The following INTS11 variants were observed in gnomAD, a reference collection of about 807,000 sequenced individuals.
INTS11 encodes CPSF3-like protein.
INTS11 carries 77 observed loss-of-function variants against 78.6 expected under a neutral mutation model. The observed-to-expected ratio is 0.98, with a 90% CI of 0.81 to 1.18. INTS11 has a LOEUF of 1.18. Among genes scored for constraint, INTS11 ranks in the 50% most tolerant of loss-of-function variants. INTS11 has a pLI of 0.00. For synonymous variants in INTS11, 441 were observed against 326.9 expected, an observed-to-expected ratio of 1.35 and a Z score of -3.77; for missense variants, 875 against 825.9, an observed-to-expected ratio of 1.06 and a Z score of -0.73.
At chr1:1,316,379 A>C (rs1277292413) in intron 4 of INTS11, 1 of 152,386 alleles carries the variant, frequency 6.6e-6, no homozygotes, top group South Asian at 2.1e-4. Context: ...ATCTGAAGTC[A>C]GGAGTTCAAG....
At chr1:1,321,960 G>A in intron 1 of INTS11, 1 of 1,298,394 alleles carries the variant, frequency 7.7e-7, no homozygotes, top group South Asian at 1.7e-5. Flanking sequence ...ACATCAGGAT[G>A]ACGGGGCCAC....
intron 1 of INTS11, 77 bp downstream of exon 1, chr1:1,324,504 G>A: frequency 4.2e-6 from 6 of 1,441,468 alleles, no homozygotes; most frequent in South Asian, 3.6e-5. Context: ...CGAGAAACGG[G>A]AGGGAGCGGG....
chr1:1,320,214 G>A (rs1035370802), intron 3 of INTS11: 4 of 523,976 alleles, frequency 7.6e-6, no homozygotes, highest in East Asian at 6.6e-5. Context: ...ATCAGAGAGG[G>A]TGAAGCCTGG....
At position 1,314,976 on chromosome 1, in the gene INTS11, G is replaced by C; in HGVS notation, c.564-14C>G. ...ATCCAGGCAGCTCTGGAACACGGGG[G>C]TGGGGGTGTGAGCCACGATGCACTG... On this transcript the variant is annotated splice_polypyrimidine_tract_variant and intron_variant, in intron 6 of 16. Coordinates refer to ENST00000435064, the MANE Select transcript of INTS11 (RefSeq NM_017871.6). This position sits in a 1 kb window ranked among gnomAD's most constrained non-coding sequence, Gnocchi z 4.2. 1.2e-6 allele frequency: 2 copies of C among 1,610,976 alleles called. No individual in the cohort carries two copies. Among genetic ancestry groups the C allele is most frequent in the South Asian group, 1.1e-5 (1 of 91,064 alleles).
Position 1,312,850 on chromosome 1 carries a change from G to A in INTS11, c.1231C>T (p.Leu411=), listed in dbSNP as rs1015679943. 3 of 1,612,118 alleles carry A rather than the reference G, an allele frequency of 1.9e-6. No homozygotes were observed. Among genetic ancestry groups the A allele is most frequent in the African/African-American group, 1.3e-5 (1 of 75,068 alleles). The change falls in exon 12 of 17, where the codon CTG becomes TTG. Residue 411 remains leucine, a synonymous_variant. Coordinates refer to ENST00000435064, the MANE Select transcript of INTS11 (RefSeq NM_017871.6). ...LVGQAEPESV[L]LVHGEAKKME... is the part of the protein sequence containing the mutation. ...TTCTTGGCCTCGCCATGCACCAGCA[G>A]CACGCTCTCCGGCTCTGCCTGGCCC...
chr1:1,315,554 T>C lies in INTS11; in HGVS notation c.494A>G (p.Gln165Arg). 6.2e-7 allele frequency: 1 copy of C among 1,612,558 alleles called. No individual in the cohort carries two copies. The highest frequency in any genetic ancestry group is 1.3e-5 in the African/African-American group (1 of 74,586). Residue 165 changes from glutamine (Q) to arginine (R), a missense_variant, in exon 5 of 17, where the codon CAG (glutamine) becomes CGG (arginine). By Grantham distance (43) the Gln-to-Arg change is conservative (BLOSUM62 1). Coordinates refer to ENST00000435064, the MANE Select transcript of INTS11 (RefSeq NM_017871.6). ...CACAGACTCTGAGCCCACTTTAATC[T>C]GGAACATGGCTGCCCCCAGCACGTG... ...AGHVLGAAMF[Q>R]IKVGSESVVY...
In INTS11 at chr1:1,324,649, G is replaced by A. The variant is rs538934981; in HGVS notation, c.-41C>T. 1.9e-6 allele frequency: 3 copies of A among 1,594,342 alleles called. No homozygotes were observed. Among genetic ancestry groups the A allele is most frequent in the South Asian group, 1.1e-5 (1 of 88,976 alleles). On this transcript the variant is annotated 5_prime_UTR_variant, in exon 1 of 17. Coordinates refer to ENST00000435064, the MANE Select transcript of INTS11 (RefSeq NM_017871.6). ...CCCGGACCCGCGAGGCCCGCCTGCG[G>A]TGATGCACTGCGCAGGCGCAACCAC...
rs1423718728 is a variant in INTS11 at position 1,311,642 on chromosome 1, C to G, written c.*217G>C. 2.8e-6 allele frequency: 2 copies of G among 707,004 alleles called. No individual in the cohort carries two copies. The highest frequency in any genetic ancestry group is 2.0e-5 in the Admixed American group (1 of 49,216). 43.8% of individuals were successfully genotyped at this position (707,004 alleles called of 1,614,324 possible). A position where few individuals can be genotyped will look rare whatever the true frequency, so the allele number is the denominator to read the frequency against. On this transcript the variant is annotated 3_prime_UTR_variant, in exon 17 of 17. Transcript: ENST00000435064. Reference sequence around the variant, plus strand: ...ACTGGAAACTGCTGTCTAGGACCACCTGCCCTAACCAGGAATAAAGGCAAG... The same window carrying G: ...ACTGGAAACTGCTGTCTAGGACCACGTGCCCTAACCAGGAATAAAGGCAAG...
At chr1:1,317,795 C>G (rs578049082) in intron 4 of INTS11, 1 of 152,224 alleles carries the variant, frequency 6.6e-6, no homozygotes, top group East Asian at 2.0e-4. Context: ...AACCTAAAAT[C>G]TTACACACCT....
chr1:1,312,823 T>C lies in INTS11; in HGVS notation c.1258A>G (p.Met420Val), dbSNP rs2100565491. The C allele has an allele frequency of 6.2e-7, 1 of 1,611,258 alleles. No homozygotes were observed. Reference sequence around the variant, plus strand: ...TCGATCTTCTGCTTCAGGAACTCCATCTTCTTGGCCTCGCCATGCACCAGC... The same window carrying C: ...TCGATCTTCTGCTTCAGGAACTCCACCTTCTTGGCCTCGCCATGCACCAGC... ...VLLVHGEAKK[M>V]EFLKQKIEQE... The change falls in exon 12 of 17, where the codon ATG becomes GTG. Residue 420 changes from methionine (M) to valine (V), a missense_variant. By Grantham distance (21) the Met-to-Val change is conservative. Transcript: ENST00000435064.
chr1:1,314,778 G>C lies in INTS11; in HGVS notation c.702+46C>G, dbSNP rs1392376260. 1 of 1,583,104 alleles carries C rather than the reference G, an allele frequency of 6.3e-7. No homozygotes were observed. On this transcript the variant is annotated intron_variant, in intron 7 of 16. Transcript: ENST00000435064. This position sits in a 1 kb window ranked among gnomAD's most constrained non-coding sequence, Gnocchi z 4.2. ...GCAGCCAAGCCTGCCAGAAAGACCAGCCCAGCATGGCCGAGGGCCCATGTC... is the reference window on the plus strand; with the variant it reads ...GCAGCCAAGCCTGCCAGAAAGACCACCCCAGCATGGCCGAGGGCCCATGTC...
chr1:1,313,339 C>T (rs879715121), intron 10 of INTS11, 170 bp downstream of exon 10: 4 of 898,580 alleles, frequency 4.5e-6, no homozygotes, highest in Non-Finnish European at 7.0e-6. Flanking sequence ...CAAGCTGTGT[C>T]ACAGAGACTG....
At chr1:1,323,368 G>C in intron 1 of INTS11, 1 of 1,456,960 alleles carries the variant, frequency 6.9e-7, no homozygotes, top group Non-Finnish European at 9.2e-7. Context: ...CCTGGATTTT[G>C]ACTAATTTTT....
chr1:1,315,220 G>C (rs1642506386), intron 6 of INTS11, 184 bp downstream of exon 6: 2 of 766,922 alleles, frequency 2.6e-6, no homozygotes, highest in Admixed American at 4.8e-5. Context: ...AGGAGGGACA[G>C]AGGCCCCTGC....
Position 1,314,100 on chromosome 1 carries a change from G to A in INTS11, c.768-179C>T. 1 of 772,318 alleles carries A rather than the reference G, an allele frequency of 1.3e-6. No individual in the cohort carries two copies. The allele number at this position is 772,318 out of a possible 1,614,324, so 47.8% of individuals were successfully genotyped here. A position where few individuals can be genotyped will look rare whatever the true frequency, so the allele number is the denominator to read the frequency against. On this transcript the variant is annotated intron_variant, in intron 8 of 16. Transcript: ENST00000435064. This position sits in a 1 kb window ranked among gnomAD's most constrained non-coding sequence, Gnocchi z 4.2. ...GCAGCCGGGCTCAGCGGAGAACCAG[G>A]AACCCCTACAAGAGCCGCACACGGT... is the stretch of plus-strand genomic sequence containing the variant.
rs779690735 is a variant in INTS11 at position 1,312,782 on chromosome 1, C to T, written c.1294+5G>A. On this transcript the variant is annotated splice_donor_5th_base_variant and intron_variant, in intron 12 of 16. Transcript: ENST00000435064. Reference sequence around the variant, plus strand: ...GGGCCCCACGCCGCCCGCCCGGCTGCCTACGGAGCTCCTGCTCGATCTTCT... The same window carrying T: ...GGGCCCCACGCCGCCCGCCCGGCTGTCTACGGAGCTCCTGCTCGATCTTCT... 1 of 1,605,426 alleles carries T rather than the reference C, an allele frequency of 6.2e-7. No homozygotes were observed. Among genetic ancestry groups the T allele is most frequent in the Non-Finnish European group, 8.5e-7 (1 of 1,174,922 alleles).
intron 9 of INTS11, 63 bp downstream of exon 9, chr1:1,313,669 A>G (rs1272679100): frequency 7.5e-6 from 12 of 1,610,044 alleles, no homozygotes; most frequent in Admixed American, 1.7e-5. Context: ...AAGCCCAGAC[A>G]CCTGCGGAAG....
At position 1,314,658 on chromosome 1, in the gene INTS11, C is replaced by T; in HGVS notation, c.702+166G>A. 2.2e-6 allele frequency: 2 copies of T among 900,932 alleles called. No homozygotes were observed. The highest frequency in any genetic ancestry group is 5.1e-5 in the East Asian group (2 of 38,850). 55.8% of individuals were successfully genotyped at this position (900,932 alleles called of 1,614,324 possible). A position where few individuals can be genotyped will look rare whatever the true frequency, so the allele number is the denominator to read the frequency against. ...GAAAAGGGGCTCCCTAGGAAAGGGT[C>T]TCTGAGTTTTCCTCCTCAATGTTGA... On this transcript the variant is annotated intron_variant, in intron 7 of 16. Coordinates refer to ENST00000435064, the MANE Select transcript of INTS11 (RefSeq NM_017871.6). This position sits in a 1 kb window ranked among gnomAD's most constrained non-coding sequence, Gnocchi z 4.2.
At chr1:1,322,267 G>C (rs1642990995) in intron 1 of INTS11, among the ~76,000 whole-genome samples, 1 of 151,720 alleles carries the variant, frequency 6.6e-6, no homozygotes, top group Non-Finnish European at 1.5e-5. Flanking sequence ...AGTACTGGCA[G>C]TCCCGCCTCC....
Sources: gnomAD v4.1 joint callset for allele counts (sites outside exome capture counted in the v4.1 genomes callset) on GRCh38, gnomAD v4.1.1 for gene constraint, Gnocchi (gnomAD v3.1) non-coding constraint, MANE v1.5 for transcripts, NCBI Gene and HGNC (gene_info 2026-07-23, HGNC 2026-07-21) for gene names.